Variants in FANK1 observed in about 807,000 individuals in gnomAD.
The protein encoded by FANK1 is fibronectin type III and ankyrin repeat domains 1.
FANK1 carries 44 observed loss-of-function variants against 45.3 expected under a neutral mutation model. The observed-to-expected ratio is 0.97, with a 90% CI of 0.76 to 1.25. The LOEUF (loss-of-function observed/expected upper bound fraction) is 1.25, where lower values mean the gene tolerates loss of function less well. Ranked by LOEUF, FANK1 falls within the 50% of genes most tolerant of loss-of-function variation. The pLI is 0.00. For missense variants in FANK1, 391 were observed against 424.4 expected, an observed-to-expected ratio of 0.92 and a Z score of 0.69; for synonymous variants, 149 against 152.5, an observed-to-expected ratio of 0.98 and a Z score of 0.17.
chr10:125,933,377 C>T (rs1947875488), intron 1 of FANK1, among the ~76,000 whole-genome samples: 1 of 151,856 alleles, frequency 6.6e-6, no homozygotes, highest in East Asian at 1.9e-4. Context: ...TGTATTTTTT[C>T]CAGGGATTTA....
chr10:125,950,116 C>A (rs1277153830), intron 1 of FANK1, among the ~76,000 whole-genome samples: 2 of 147,678 alleles, frequency 1.4e-5, no homozygotes, highest in Admixed American at 1.4e-4. Context: ...AAAATAAATT[C>A]AAGATGGATT....
rs1951103142 is a variant in FANK1 at position 125,980,106 on chromosome 10, T to C, written c.14-55T>C. 2.6e-6 allele frequency: 4 copies of C among 1,566,466 alleles called. No individual in the cohort carries two copies. The Admixed American group carries it at 5.6e-5, about 22-fold the overall frequency. ...AAGCAGCTGTAATCCACTCGACTGG[T>C]CTCTCTTCCTTATGGAAACTGGGTC... On this transcript the variant is annotated intron_variant, in intron 1 of 10. Coordinates refer to ENST00000368693, the MANE Select transcript of FANK1 (RefSeq NM_145235.5).
chr10:125,935,317 G>T (rs1340832416), intron 1 of FANK1, among the ~76,000 whole-genome samples: 1 of 152,168 alleles, frequency 6.6e-6, no homozygotes, highest in African/African-American at 2.4e-5. Flanking sequence ...GCTCACTGTT[G>T]TATCCTCATA....
rs148488750 is a variant in FANK1 at position 125,986,217 on chromosome 10, G to C, written c.192-2334G>C. 1.7e-3 allele frequency among the ~76,000 whole-genome samples: 252 copies of C among 152,314 alleles called. 1 individual carries two copies. The highest frequency in any genetic ancestry group is 6.8e-3 in the Middle Eastern group (2 of 294). On this transcript the variant is annotated intron_variant, in intron 2 of 10. Coordinates refer to ENST00000368693, the MANE Select transcript of FANK1 (RefSeq NM_145235.5). ...TTAGGAGACTGAATCCACCAGCACA[G>C]AGCAGGGAGGCAGAGACACGTACGT...
In FANK1 at chr10:125,967,808, G is replaced by C. The variant is rs967815281; in HGVS notation, c.14-12353G>C. On this transcript the variant is annotated intron_variant, in intron 1 of 10. Transcript: ENST00000368693. ...TAATAAAAATAAAAGCACATACAAT[G>C]CAAAAACATTTTAGCTTTTATATTT... 5.3e-4 allele frequency among the ~76,000 whole-genome samples: 80 copies of C among 152,090 alleles called. 5 individuals carry two copies. Among genetic ancestry groups the C allele is most frequent in the Admixed American group, 5.2e-3 (79 of 15,278 alleles).
At chr10:125,985,534 T>G (rs532953976) in intron 2 of FANK1, among the ~76,000 whole-genome samples, 21 of 152,384 alleles carry the variant, frequency 1.4e-4, no homozygotes, top group African/African-American at 4.6e-4. Flanking sequence ...TTTTTAACAC[T>G]TATCTACTTC....
intron 1 of FANK1, among the ~76,000 whole-genome samples, chr10:125,913,180 T>G: frequency 6.6e-6 from 1 of 152,204 alleles, no homozygotes; most frequent in East Asian, 1.9e-4. Flanking sequence ...TCAACAGAAA[T>G]GCCCAACAGG....
intron 2 of FANK1, among the ~76,000 whole-genome samples, chr10:125,987,609 A>C (rs766782172): frequency 3.9e-5 from 6 of 152,146 alleles, no homozygotes; most frequent in Non-Finnish European, 7.4e-5. Context: ...AGATTTGAAA[A>C]GGGATACATG....
At chr10:125,925,173 G>C (rs1303960364) in intron 1 of FANK1, among the ~76,000 whole-genome samples, 1 of 152,096 alleles carries the variant, frequency 6.6e-6, no homozygotes, top group Non-Finnish European at 1.5e-5. Context: ...TTTATTTACT[G>C]AGAGATATAT....
At chr10:125,955,331 C>T (rs61870940) in intron 1 of FANK1, among the ~76,000 whole-genome samples, 55,790 of 151,890 alleles carry the variant, frequency 0.37, 10,731 homozygotes, top group Non-Finnish European at 0.44. Context: ...CATCATTCAG[C>T]TCATAAGTAA....
Position 126,003,313 on chromosome 10 carries a change from A to G in FANK1, c.540-1571A>G, listed in dbSNP as rs377311967. On this transcript the variant is annotated intron_variant, in intron 6 of 10. Coordinates refer to ENST00000368693, the MANE Select transcript of FANK1 (RefSeq NM_145235.5). ...TGCTGTGGCTCCTGCCTGTAATCCC[A>G]GCACTTTGGGAGGCCGAGGCAGGAA... 5.4e-4 allele frequency among the ~76,000 whole-genome samples: 82 copies of G among 152,196 alleles called. No homozygotes were observed. In the East Asian group the frequency reaches 0.015, roughly 27 times the overall value.
At chr10:125,910,053 A>C (rs1483557416) in intron 1 of FANK1, among the ~76,000 whole-genome samples, 4 of 152,088 alleles carry the variant, frequency 2.6e-5, no homozygotes, top group Non-Finnish European at 4.4e-5. Context: ...AAAAAAAACT[A>C]CTAGTTATTT....
At chr10:125,950,830 C>A (rs372110681) in intron 1 of FANK1, among the ~76,000 whole-genome samples, 1 of 146,690 alleles carries the variant, frequency 6.8e-6, no homozygotes, top group African/African-American at 2.5e-5. Context: ...ATTGCAAAGA[C>A]TTGGAACCAA....
intron 1 of FANK1, among the ~76,000 whole-genome samples, chr10:125,897,998 C>CAAAAAA (rs373550249): frequency 1.2e-4 from 2 of 16,796 alleles, no homozygotes; most frequent in Non-Finnish European, 2.1e-4. Context: ...TACTAAAATA[C>CAAAAAA]AAAAAAAAAA....
intron 1 of FANK1, chr10:125,972,685 T>G (rs1460563315): frequency 2.6e-5 from 4 of 152,198 alleles, no homozygotes; most frequent in Middle Eastern, 3.2e-3. Flanking sequence ...TGATGAGTTT[T>G]GTATGAAAGT....
chr10:125,918,575 AAAAAAAAAAAAT>A (rs1703247563), intron 1 of FANK1, among the ~76,000 whole-genome samples: 3 of 119,742 alleles, frequency 2.5e-5, no homozygotes, highest in Non-Finnish European at 5.0e-5. Flanking sequence ...AAAAAAAAAA[AAAAAAAAAAAAT>A]ATATATATAT....
chr10:125,961,541 A>G (rs1372019984), intron 1 of FANK1, among the ~76,000 whole-genome samples: 1 of 152,180 alleles, frequency 6.6e-6, no homozygotes, highest in Non-Finnish European at 1.5e-5. Flanking sequence ...CTCACCCTAT[A>G]TGAAAATAAA....
intron 2 of FANK1, among the ~76,000 whole-genome samples, chr10:125,981,204 G>T (rs1951187231): frequency 6.6e-6 from 1 of 152,122 alleles, no homozygotes; most frequent in Admixed American, 6.5e-5. Flanking sequence ...ATACCACCAG[G>T]AGTAATGAAG....
At chr10:125,993,477 A>G (rs2134216253) in intron 3 of FANK1, among the ~76,000 whole-genome samples, 1 of 152,284 alleles carries the variant, frequency 6.6e-6, no homozygotes, top group African/African-American at 2.4e-5. Context: ...TGGGGACTGG[A>G]TGGTTCCTTG....
Sources: allele counts gnomAD v4.1 joint callset (sites outside exome capture counted in the v4.1 genomes callset), GRCh38; gene constraint gnomAD v4.1.1; transcripts MANE v1.5; gene names NCBI Gene and HGNC (gene_info 2026-07-23, HGNC 2026-07-21).